The following POU6F2 variants were observed in gnomAD, a reference collection of about 807,000 sequenced individuals.
POU6F2 encodes the protein POU class 6 homeobox 2, also known as POU domain, class 6, transcription factor 2.
POU6F2 carries 31 observed loss-of-function variants against 71.3 expected under a neutral mutation model. The observed-to-expected ratio is 0.43, with a 90% confidence interval of 0.33 to 0.59. POU6F2 has a LOEUF of 0.59. Among genes scored for constraint, POU6F2 ranks in the 20% least tolerant of loss-of-function variants. POU6F2 has a pLI of 0.04. For missense variants in POU6F2, 783 were observed against 856.8 expected (o/e 0.91, Z 1.07); for synonymous variants, 347 against 355.7 (o/e 0.98, Z 0.27).
chr7:39,224,718 C>A (rs1307287593), intron 4 of POU6F2, among the ~76,000 whole-genome samples: 32 of 149,426 alleles, frequency 2.1e-4, no homozygotes, highest in Non-Finnish European at 6.0e-5. Context: ...AAAACAATTA[C>A]CCCACACCAG....
intron 2 of POU6F2, among the ~76,000 whole-genome samples, chr7:39,087,626 C>T (rs1791280076): frequency 6.6e-6 from 1 of 152,094 alleles, no homozygotes. Flanking sequence ...AAGCCATGCC[C>T]ATGCCCCTCT....
chr7:39,154,849 A>T (rs953681894), intron 2 of POU6F2, among the ~76,000 whole-genome samples: 1 of 152,114 alleles, frequency 6.6e-6, no homozygotes, highest in Non-Finnish European at 1.5e-5. Flanking sequence ...ACCCCAGCAA[A>T]ATGGAGAAGG....
intron 2 of POU6F2, among the ~76,000 whole-genome samples, chr7:39,197,114 G>T (rs1442463032): frequency 1.3e-5 from 2 of 152,162 alleles, no homozygotes; most frequent in African/African-American, 4.8e-5. Context: ...GTGTAGGAGG[G>T]TGGAGGGGGC....
intron 4 of POU6F2, among the ~76,000 whole-genome samples, chr7:39,254,173 A>G (rs542486333): frequency 1.3e-5 from 2 of 152,320 alleles, no homozygotes; most frequent in Non-Finnish European, 2.9e-5. Flanking sequence ...ATTCTTGCAT[A>G]TAAAAAGGCT....
intron 2 of POU6F2, among the ~76,000 whole-genome samples, chr7:39,112,313 A>G (rs1376843698): frequency 6.6e-6 from 1 of 152,232 alleles, no homozygotes; most frequent in Non-Finnish European, 1.5e-5. Context: ...TCTCATTGGA[A>G]CAAATACCCT....
At chr7:39,401,034 C>T (rs1385966985) in intron 5 of POU6F2, among the ~76,000 whole-genome samples, 2 of 152,166 alleles carry the variant, frequency 1.3e-5, no homozygotes, top group African/African-American at 4.8e-5. Flanking sequence ...CAGCTTCCAC[C>T]CAGGAAGAGG....
chr7:39,210,979 A>G (rs901870398), intron 4 of POU6F2, among the ~76,000 whole-genome samples: 1 of 152,188 alleles, frequency 6.6e-6, no homozygotes, highest in Non-Finnish European at 1.5e-5. Context: ...ATCAAGGCAC[A>G]GGCAGATTTG....
At chr7:39,456,672 A>AT (rs1320254571) in intron 8 of POU6F2, among the ~76,000 whole-genome samples, 1 of 152,212 alleles carries the variant, frequency 6.6e-6, no homozygotes, top group Non-Finnish European at 1.5e-5. Flanking sequence ...GGTAACAATA[A>AT]TATTTTGCCA....
intron 1 of POU6F2, among the ~76,000 whole-genome samples, chr7:39,032,693 G>T (rs750145313): frequency 9.2e-5 from 14 of 152,172 alleles, no homozygotes; most frequent in East Asian, 5.8e-4. Flanking sequence ...TCTGCGTATT[G>T]CAGGACACAT....
chr7:39,111,236 G>A lies in POU6F2; in HGVS notation c.277+25205G>A, dbSNP rs978439431. ...TTAGGTTTGTGAGGCCCCACAAGGA[G>A]ATGAAGTTTTACTAATAATTTTTTG... On this transcript the variant is annotated intron_variant, in intron 2 of 9. Transcript: ENST00000518318. Among the ~76,000 whole-genome samples the A allele has an allele frequency of 7.2e-5, 11 of 152,142 alleles. No homozygotes were observed. The East Asian group carries it at 2.1e-3, about 29-fold the overall frequency.
intron 4 of POU6F2, among the ~76,000 whole-genome samples, chr7:39,310,656 A>T (rs1785145420): frequency 6.6e-6 from 1 of 152,252 alleles, no homozygotes; most frequent in African/African-American, 2.4e-5. Flanking sequence ...TAAGTACAAC[A>T]TACTAGTTTT....
chr7:39,006,751 T>G (rs555381288), intron 1 of POU6F2: 1 of 1,171,964 alleles, frequency 8.5e-7, no homozygotes, highest in Admixed American at 1.7e-5. Flanking sequence ...TGGGGTTTTC[T>G]TCTAGGCATG....
chr7:39,211,157 T>A (rs1370588910), intron 4 of POU6F2, among the ~76,000 whole-genome samples: 1 of 152,184 alleles, frequency 6.6e-6, no homozygotes, highest in African/African-American at 2.4e-5. Context: ...CCTCACCTGC[T>A]GATACCATCA....
At chr7:39,268,640 C>A (rs916586075) in intron 4 of POU6F2, among the ~76,000 whole-genome samples, 1 of 152,090 alleles carries the variant, frequency 6.6e-6, no homozygotes, top group African/African-American at 2.4e-5. Context: ...ATGGATACAG[C>A]GTGGCTCTTG....
chr7:39,414,781 G>A (rs377679765), intron 6 of POU6F2, among the ~76,000 whole-genome samples: 22 of 149,566 alleles, frequency 1.5e-4, no homozygotes, highest in East Asian at 6.1e-4. Flanking sequence ...GAACTGAAAG[G>A]AAAGCCCTCT....
intron 5 of POU6F2, 66 bp downstream of exon 5, chr7:39,340,081 TC>T: frequency 6.7e-7 from 1 of 1,486,656 alleles, no homozygotes; most frequent in South Asian, 1.3e-5. Flanking sequence ...GGTGGTGCCA[TC>T]CCCAAAGGCA....
chr7:39,329,565 C>T (rs1338336884), intron 4 of POU6F2, among the ~76,000 whole-genome samples: 1 of 152,164 alleles, frequency 6.6e-6, no homozygotes, highest in Admixed American at 6.5e-5. Context: ...TATGCCCCGT[C>T]CCCAGCTGGA....
At chr7:39,143,133 A>G (rs1394186742) in intron 2 of POU6F2, among the ~76,000 whole-genome samples, 1 of 152,200 alleles carries the variant, frequency 6.6e-6, no homozygotes, top group African/African-American at 2.4e-5. Flanking sequence ...CAATGAGGAT[A>G]TTATGCATCA....
At chr7:39,451,831 T>A (rs1788669928) in intron 8 of POU6F2, 130 bp downstream of exon 8, 6 of 1,200,836 alleles carry the variant, frequency 5.0e-6, no homozygotes, top group Non-Finnish European at 7.0e-6. Flanking sequence ...AGGAATTTCC[T>A]GGCACTGCTA....
Sources: gnomAD v4.1 joint callset for allele counts (sites outside exome capture counted in the v4.1 genomes callset) on GRCh38, gnomAD v4.1.1 for gene constraint, MANE v1.5 for transcripts, NCBI Gene and HGNC (gene_info 2026-07-23, HGNC 2026-07-21) for gene names.